Variants in ADAMTSL1 observed in about 807,000 individuals in gnomAD.
The protein encoded by ADAMTSL1 is ADAMTS-like protein 1.
In ADAMTSL1, 126 loss-of-function variants were observed where a neutral mutation model predicts 201.8. The ratio of observed to expected loss-of-function variants is 0.62; its 90% CI spans 0.54 to 0.72. ADAMTSL1 has a LOEUF of 0.72. Ranked by LOEUF, ADAMTSL1 falls within the 30% of genes least tolerant of loss-of-function variation. ADAMTSL1 has a pLI of 0.00. For synonymous variants in ADAMTSL1, 1,121 were observed against 903.4 expected (o/e 1.24, Z -4.32); for missense variants, 2,679 against 2,277.8 (o/e 1.18, Z -3.59).
chr9:17,997,526 T>C (rs1819432365), intron 1 of ADAMTSL1, among the ~76,000 whole-genome samples: 1 of 152,116 alleles, frequency 6.6e-6, no homozygotes, highest in Non-Finnish European at 1.5e-5. Flanking sequence ...CATTACTTAA[T>C]TCTAAGTTCG....
intron 1 of ADAMTSL1, among the ~76,000 whole-genome samples, chr9:18,134,661 T>C (rs1210635238): frequency 6.6e-6 from 1 of 152,176 alleles, no homozygotes. Context: ...TGCCAGTGGG[T>C]GTGGTGGTTC....
Position 18,795,357 on chromosome 9 carries a change from C to A in ADAMTSL1, c.3678-40C>A, listed in dbSNP as rs1361636552. On this transcript the variant is annotated intron_variant, in intron 19 of 28. Transcript: ENST00000380548. ...ATATTGAATGCCAAAAAGGAGTCAA[C>A]TGACTTGACCAGGTCTATATTTCTT... The A allele has an allele frequency of 6.2e-6, 10 of 1,610,574 alleles. No homozygotes were observed. The African/African-American group carries it at 1.3e-4, about 22-fold the overall frequency.
intron 2 of ADAMTSL1, among the ~76,000 whole-genome samples, chr9:18,348,953 C>T (rs1430355904): frequency 2.0e-5 from 3 of 152,158 alleles, no homozygotes; most frequent in Non-Finnish European, 2.9e-5. Flanking sequence ...CATATATTAT[C>T]TCATTTAATC....
chr9:18,195,115 G>T (rs545339361), intron 2 of ADAMTSL1, among the ~76,000 whole-genome samples: 1 of 152,182 alleles, frequency 6.6e-6, no homozygotes, highest in African/African-American at 2.4e-5. Flanking sequence ...CTCAATAAAT[G>T]TTGGCTGTTA....
At chr9:18,644,728 T>G (rs1014818669) in intron 7 of ADAMTSL1, among the ~76,000 whole-genome samples, 8 of 152,106 alleles carry the variant, frequency 5.3e-5, no homozygotes, top group Admixed American at 2.6e-4. Context: ...CATCATTTTT[T>G]ATGGCTGCAT....
Position 18,639,417 on chromosome 9 carries a change from C to T in ADAMTSL1, c.834+6C>T, listed in dbSNP as rs774071176. On this transcript the variant is annotated splice_donor_region_variant and intron_variant, in intron 7 of 28. Transcript: ENST00000380548. ...CAGCAGATTTCATTGTCAAGGTGAG[C>T]CCTATTTAGATACCTCCTTTTCAAG... 2 of 1,610,056 alleles carry T rather than the reference C, an allele frequency of 1.2e-6. No homozygotes were observed. The highest frequency in any genetic ancestry group is 4.5e-5 in the East Asian group (2 of 44,814).
At chr9:18,629,440 A>G (rs1222244609) in intron 5 of ADAMTSL1, among the ~76,000 whole-genome samples, 1 of 152,164 alleles carries the variant, frequency 6.6e-6, no homozygotes, top group East Asian at 1.9e-4. Flanking sequence ...GTTTGCTGAG[A>G]GTTAATAACA....
chr9:18,253,257 A>G (rs1831537592), intron 2 of ADAMTSL1, among the ~76,000 whole-genome samples: 1 of 152,190 alleles, frequency 6.6e-6, no homozygotes, highest in South Asian at 2.1e-4. Context: ...AAGGATGAAC[A>G]TCGGATGTTA....
intron 2 of ADAMTSL1, among the ~76,000 whole-genome samples, chr9:18,200,285 T>C (rs1341280950): frequency 6.6e-6 from 1 of 151,994 alleles, no homozygotes; most frequent in African/African-American, 2.4e-5. Context: ...AAAAAAAAAT[T>C]TGTACACAAG....
At chr9:18,516,435 T>C (rs1378515444) in intron 2 of ADAMTSL1, among the ~76,000 whole-genome samples, 1 of 152,194 alleles carries the variant, frequency 6.6e-6, no homozygotes, top group East Asian at 1.9e-4. Context: ...CAACCTCAAA[T>C]AGCTGCAGAG....
Position 18,299,475 on chromosome 9 carries a change from A to C in ADAMTSL1, c.207+135494A>C, listed in dbSNP as rs142457775. ...GATAAAGGCATTAGCAATCTTTATT[A>C]TTGCTTAGAACAGAGCTCAGGAAGT... On this transcript the variant is annotated intron_variant, in intron 2 of 29. Coordinates refer to the ADAMTSL1 transcript ENST00000680146. Among the ~76,000 whole-genome samples, 3 of 152,324 alleles carry C rather than the reference A, an allele frequency of 2.0e-5. No homozygotes were observed. The South Asian group carries it at 6.2e-4, about 32-fold the overall frequency.
chr9:18,754,251 C>T (rs992970901), intron 16 of ADAMTSL1, among the ~76,000 whole-genome samples: 1 of 152,298 alleles, frequency 6.6e-6, no homozygotes, highest in South Asian at 2.1e-4. Flanking sequence ...TGATCCTGCA[C>T]CAGGCATATA....
intron 2 of ADAMTSL1, among the ~76,000 whole-genome samples, chr9:18,179,066 A>G (rs555149981): frequency 2.6e-5 from 4 of 152,366 alleles, no homozygotes; most frequent in East Asian, 3.9e-4. Context: ...GCTTCAGACA[A>G]TCAAATTACT....
At chr9:18,566,689 C>T (rs977787617) in intron 3 of ADAMTSL1, among the ~76,000 whole-genome samples, 1 of 152,072 alleles carries the variant, frequency 6.6e-6, no homozygotes, top group Admixed American at 6.6e-5. Context: ...AGACACAGGG[C>T]CTTGATTCCA....
rs541444450 is a variant in ADAMTSL1, at chr9:18,120,657, C to A, written c.88-43205C>A. 9.7e-4 allele frequency among the ~76,000 whole-genome samples: 147 copies of A among 152,082 alleles called. No homozygotes were observed. In the Middle Eastern group the frequency reaches 0.014, roughly 14 times the overall value. On this transcript the variant is annotated intron_variant, in intron 1 of 29. Coordinates refer to the ADAMTSL1 transcript ENST00000680146. ...ATTATTTCATGTGTGTACACACACA[C>A]AAAAAAACACATATAAGAAATGCAG...
intron 1 of ADAMTSL1, among the ~76,000 whole-genome samples, chr9:18,080,651 A>G (rs1229535786): frequency 1.3e-5 from 2 of 152,224 alleles, no homozygotes; most frequent in South Asian, 2.1e-4. Flanking sequence ...AAGTCAAGCT[A>G]TTACTTTATG....
At chr9:18,051,548 T>G (rs1039387897) in intron 1 of ADAMTSL1, among the ~76,000 whole-genome samples, 2 of 131,540 alleles carry the variant, frequency 1.5e-5, no homozygotes, top group African/African-American at 6.2e-5. Context: ...TTTTAAAACT[T>G]TTTTTTTTTT....
chr9:18,179,395 T>C (rs1828344656), intron 2 of ADAMTSL1, among the ~76,000 whole-genome samples: 2 of 152,006 alleles, frequency 1.3e-5, no homozygotes, highest in East Asian at 3.9e-4. Flanking sequence ...CAAATCTACG[T>C]CTGACTGGTG....
At chr9:18,906,963 G>A (rs780939273) in intron 28 of ADAMTSL1, 51 bp downstream of exon 28, 1 of 1,602,010 alleles carries the variant, frequency 6.2e-7, no homozygotes, top group East Asian at 2.2e-5. Flanking sequence ...AGAGCATCGA[G>A]TGCAGAGAGC....
Sources: allele counts gnomAD v4.1 joint callset (sites outside exome capture counted in the v4.1 genomes callset), GRCh38; gene constraint gnomAD v4.1.1; transcripts MANE v1.5; gene names NCBI Gene and HGNC (gene_info 2026-07-23, HGNC 2026-07-21).